The following NALF1 variants were observed in gnomAD, a reference collection of about 807,000 sequenced individuals.
The protein encoded by NALF1 is NALCN channel auxiliary factor 1, also known as family with sequence similarity 155 member A.
Under a neutral mutation model 48.4 loss-of-function variants are expected in NALF1, and 3 were observed. That is an observed-to-expected ratio of 0.06 (90% CI 0.03 to 0.16). The LOEUF (loss-of-function observed/expected upper bound fraction) is 0.16, where lower values mean the gene tolerates loss of function less well. NALF1 is among the 10% of genes least tolerant of loss of function. NALF1 has a pLI of 1.00. For synonymous variants in NALF1, 262 were observed against 245.7 expected, an observed-to-expected ratio of 1.07 and a Z score of -0.62; for missense variants, 526 against 571.5, an observed-to-expected ratio of 0.92 and a Z score of 0.81.
At chr13:107,346,231 A>G (rs546026878) in intron 1 of NALF1, among the ~76,000 whole-genome samples, 1 of 152,148 alleles carries the variant, frequency 6.6e-6, no homozygotes, top group Admixed American at 6.6e-5. Flanking sequence ...GGCCCTCAAA[A>G]TTAAAGATAG....
chr13:107,360,643 T>C (rs1233230547), intron 1 of NALF1, among the ~76,000 whole-genome samples: 4 of 152,170 alleles, frequency 2.6e-5, no homozygotes, highest in African/African-American at 9.7e-5. Flanking sequence ...TAACCGACAT[T>C]ATATTAATAT....
At chr13:107,381,097 T>C (rs1016303564) in intron 1 of NALF1, among the ~76,000 whole-genome samples, 2 of 148,812 alleles carry the variant, frequency 1.3e-5, no homozygotes, top group African/African-American at 4.9e-5. Context: ...TTCATATATA[T>C]GAAATAAAAT....
chr13:107,640,637 C>T (rs1880126120), intron 1 of NALF1, among the ~76,000 whole-genome samples: 1 of 152,084 alleles, frequency 6.6e-6, no homozygotes. Context: ...AGCCAGGGGA[C>T]AATATTTGCA....
chr13:107,575,986 G>A (rs1594138077), intron 1 of NALF1, among the ~76,000 whole-genome samples: 2 of 94,742 alleles, frequency 2.1e-5, no homozygotes, highest in Non-Finnish European at 5.9e-5. Flanking sequence ...GCATATGTGT[G>A]TGTGCATGTA....
At chr13:107,657,938 T>C (rs898680921) in intron 1 of NALF1, among the ~76,000 whole-genome samples, 1 of 152,188 alleles carries the variant, frequency 6.6e-6, no homozygotes, top group African/African-American at 2.4e-5. Flanking sequence ...TCTGTTTTTG[T>C]TGAACTAAAA....
intron 1 of NALF1, among the ~76,000 whole-genome samples, chr13:107,547,095 TGA>T (rs1315635417): frequency 2.0e-5 from 3 of 152,338 alleles, no homozygotes; most frequent in African/African-American, 7.2e-5. Flanking sequence ...CCTGACACTT[TGA>T]GAGTGTCCAA....
At chr13:107,253,489 T>G (rs1054083267) in intron 1 of NALF1, among the ~76,000 whole-genome samples, 1 of 152,112 alleles carries the variant, frequency 6.6e-6, no homozygotes, top group Non-Finnish European at 1.5e-5. Context: ...AGTGCCTATG[T>G]GCCACATTGA....
intron 1 of NALF1, among the ~76,000 whole-genome samples, chr13:107,560,690 C>T (rs1436992911): frequency 6.6e-6 from 1 of 152,118 alleles, no homozygotes; most frequent in African/African-American, 2.4e-5. Context: ...CACACACACT[C>T]ACACAGAGGT....
At chr13:107,575,700 T>C (rs1441604788) in intron 1 of NALF1, among the ~76,000 whole-genome samples, 1 of 152,168 alleles carries the variant, frequency 6.6e-6, no homozygotes, top group Non-Finnish European at 1.5e-5. Flanking sequence ...CTCCTGGCTG[T>C]CACTTTCAGC....
At chr13:107,674,471 T>G in intron 1 of NALF1, among the ~76,000 whole-genome samples, 1 of 152,216 alleles carries the variant, frequency 6.6e-6, no homozygotes, top group Non-Finnish European at 1.5e-5. Flanking sequence ...TGCTGTCTCC[T>G]CTGAACCTTA....
rs907709618 is a variant in NALF1, at chr13:107,277,226, A to G, written c.916-66471T>C. Among the ~76,000 whole-genome samples, 6 of 152,184 alleles carry G rather than the reference A, an allele frequency of 3.9e-5. 1 individual carries two copies. The highest frequency in any genetic ancestry group is 1.2e-4 in the African/African-American group (5 of 41,452). ...TTCATAGCTGAGAATTATTTTGAAG[A>G]CTATATTTTAAAATATCTTAATTAC... On this transcript the variant is annotated intron_variant, in intron 1 of 2. Transcript: ENST00000375915.
At chr13:107,495,398 A>C (rs949731170) in intron 1 of NALF1, among the ~76,000 whole-genome samples, 2 of 152,216 alleles carry the variant, frequency 1.3e-5, no homozygotes, top group African/African-American at 4.8e-5. Flanking sequence ...AAAAGCATAA[A>C]ATGAAAATAG....
intron 1 of NALF1, among the ~76,000 whole-genome samples, chr13:107,464,997 T>C (rs1189123816): frequency 6.6e-6 from 1 of 152,152 alleles, no homozygotes; most frequent in African/African-American, 2.4e-5. Context: ...TCATTTTTTT[T>C]CACTATTGAT....
chr13:107,607,164 C>T (rs778309161), intron 1 of NALF1, among the ~76,000 whole-genome samples: 1 of 152,128 alleles, frequency 6.6e-6, no homozygotes, highest in African/African-American at 2.4e-5. Context: ...ATGTAGGAAA[C>T]CTAAATCCAA....
chr13:107,296,548 T>C (rs1881730323), intron 1 of NALF1, among the ~76,000 whole-genome samples: 1 of 152,136 alleles, frequency 6.6e-6, no homozygotes. Flanking sequence ...TAGAAAAAAA[T>C]ATTTTATTCA....
chr13:107,189,867 A>G (rs1359077206), intron 2 of NALF1, among the ~76,000 whole-genome samples: 1 of 152,180 alleles, frequency 6.6e-6, no homozygotes, highest in African/African-American at 2.4e-5. Flanking sequence ...TTTACGTTAC[A>G]GGAGGGTGTA....
At chr13:107,808,632 A>C (rs16971168) in intron 1 of NALF1, among the ~76,000 whole-genome samples, 8,295 of 151,326 alleles carry the variant, frequency 0.055, 781 homozygotes, top group African/African-American at 0.19. Context: ...CTATTTGCGC[A>C]ACTTTTAGCT....
At chr13:107,343,008 C>T (rs549705387) in intron 1 of NALF1, among the ~76,000 whole-genome samples, 7 of 152,220 alleles carry the variant, frequency 4.6e-5, no homozygotes, top group South Asian at 4.2e-4. Flanking sequence ...GAGACTATAA[C>T]GACACTACAA....
At chr13:107,711,860 G>C (rs74112579) in intron 1 of NALF1, among the ~76,000 whole-genome samples, 14,072 of 152,082 alleles carry the variant, frequency 0.093, 1,492 homozygotes, top group East Asian at 0.42. Context: ...TGTTTTTTAT[G>C]TTCAATTAAT....
Sources: gnomAD v4.1 joint callset for allele counts (sites outside exome capture counted in the v4.1 genomes callset) on GRCh38, gnomAD v4.1.1 for gene constraint, MANE v1.5 for transcripts, NCBI Gene and HGNC (gene_info 2026-07-23, HGNC 2026-07-21) for gene names.